OSBPL5: variants seen among roughly 807,000 people sequenced by gnomAD.
OSBPL5 encodes oxysterol binding protein like 5.
Under a neutral mutation model 111.2 loss-of-function variants are expected in OSBPL5, and 71 were observed. That is an observed-to-expected ratio of 0.64 (90% CI 0.53 to 0.78). The LOEUF is 0.78. Among genes scored for constraint, OSBPL5 ranks in the 30% least tolerant of loss-of-function variants. OSBPL5 has a pLI of 0.00. For missense variants in OSBPL5, 1,210 were observed against 1,189.3 expected, an observed-to-expected ratio of 1.02 and a Z score of -0.26; for synonymous variants, 549 against 513.9, an observed-to-expected ratio of 1.07 and a Z score of -0.93.
rs1222352879 is a variant in OSBPL5 at position 3,113,438 on chromosome 11, C to T, written c.692-5493G>A. 1.3e-5 allele frequency among the ~76,000 whole-genome samples: 2 copies of T among 152,058 alleles called. No homozygotes were observed. Among genetic ancestry groups the T allele is most frequent in the Non-Finnish European group, 2.9e-5 (2 of 68,024 alleles). On this transcript the variant is annotated intron_variant, in intron 7 of 21. Coordinates refer to ENST00000263650, the MANE Select transcript of OSBPL5 (RefSeq NM_020896.4). The surrounding 1 kb of genome is among the most constrained non-coding windows in gnomAD (Gnocchi z 4.8). ...TTGGGAGGCTGAGGTGGGTGGATCA[C>T]AAAGTCAGGAGTTCAAGACCAGTCT...
At chr11:3,102,691 C>G (rs763666996) in intron 11 of OSBPL5, among the ~76,000 whole-genome samples, 1 of 152,190 alleles carries the variant, frequency 6.6e-6, no homozygotes, top group Non-Finnish European at 1.5e-5. Context: ...GTTTCCCCAT[C>G]TGCACAATAA....
intron 1 of OSBPL5, among the ~76,000 whole-genome samples, chr11:3,157,020 G>T (rs981000465): frequency 2.0e-5 from 3 of 152,248 alleles, no homozygotes; most frequent in Non-Finnish European, 2.9e-5. Flanking sequence ...ACTCCTCGGG[G>T]CCCCCAAGGG....
rs538222066 is a variant in OSBPL5, at chr11:3,140,057, C to T, written c.-21-10888G>A. On this transcript the variant is annotated intron_variant, in intron 1 of 21. Coordinates refer to ENST00000263650, the MANE Select transcript of OSBPL5 (RefSeq NM_020896.4). The surrounding 1 kb of genome is among the most constrained non-coding windows in gnomAD (Gnocchi z 4.5). Reference sequence around the variant, plus strand: ...TGGGCCCACTGCTCGGCTGTGCAGCCTGGGAGGGGGGTGTGCAGTGGTCCG... The same window carrying T: ...TGGGCCCACTGCTCGGCTGTGCAGCTTGGGAGGGGGGTGTGCAGTGGTCCG... Among the ~76,000 whole-genome samples the T allele has an allele frequency of 3.7e-4, 56 of 152,364 alleles. 1 individual carries two copies. The South Asian group carries it at 9.1e-3, about 25-fold the overall frequency.
chr11:3,152,125 A>C (rs1045116192), intron 1 of OSBPL5, among the ~76,000 whole-genome samples: 4 of 152,166 alleles, frequency 2.6e-5, no homozygotes, highest in Non-Finnish European at 5.9e-5. Context: ...GCCCCTGCTC[A>C]TCTCTCTATT....
chr11:3,157,476 C>A (rs1328655734), intron 1 of OSBPL5, among the ~76,000 whole-genome samples: 1 of 152,180 alleles, frequency 6.6e-6, no homozygotes, highest in Non-Finnish European at 1.5e-5. Context: ...AGGCAGCACC[C>A]CGATGGAGGC....
chr11:3,099,161 A>G (rs1326471225), intron 14 of OSBPL5, among the ~76,000 whole-genome samples: 2 of 152,240 alleles, frequency 1.3e-5, no homozygotes, highest in East Asian at 3.9e-4. Flanking sequence ...AACGCTCCAC[A>G]CCGTATGATT....
rs1254441190 is a variant in OSBPL5, at chr11:3,130,527, C to A, written c.-21-1358G>T. Among the ~76,000 whole-genome samples, 6 of 152,192 alleles carry A rather than the reference C, an allele frequency of 3.9e-5. No individual in the cohort carries two copies. The highest frequency in any genetic ancestry group is 2.6e-4 in the Admixed American group (4 of 15,280). On this transcript the variant is annotated intron_variant, in intron 1 of 21. Coordinates refer to ENST00000263650, the MANE Select transcript of OSBPL5 (RefSeq NM_020896.4). The surrounding 1 kb of genome is among the most constrained non-coding windows in gnomAD (Gnocchi z 4.5). ...CACCCCAGAGCCCCCTCTGTGCCCC[C>A]AGTCCTGAAGTCAGAGTGGGGAGGG...
At chr11:3,115,251 T>C (rs528544012) in intron 7 of OSBPL5, among the ~76,000 whole-genome samples, 6 of 152,244 alleles carry the variant, frequency 3.9e-5, no homozygotes, top group Non-Finnish European at 8.8e-5. Context: ...ATAATTCCTA[T>C]GCCATTATTA....
chr11:3,128,492 G>T (rs1017112622), intron 2 of OSBPL5, among the ~76,000 whole-genome samples: 11 of 152,244 alleles, frequency 7.2e-5, no homozygotes, highest in African/African-American at 2.4e-4. Flanking sequence ...GCGGGCAGAG[G>T]TTCTGAGTCT....
At chr11:3,127,217 G>A (rs56090354) in intron 2 of OSBPL5, among the ~76,000 whole-genome samples, 27 of 152,352 alleles carry the variant, frequency 1.8e-4, no homozygotes, top group Non-Finnish European at 3.7e-4. Flanking sequence ...CAGCAGGGCC[G>A]CTCCCGCTGC....
rs932915610 is a variant in OSBPL5 at position 3,090,408 on chromosome 11, C to G, written c.2398+150G>C. 2.8e-6 allele frequency: 3 copies of G among 1,054,722 alleles called. No homozygotes were observed. In the African/African-American group the frequency reaches 4.8e-5, roughly 17 times the overall value. The allele number at this position is 1,054,722 out of a possible 1,614,324, so 65.3% of individuals were successfully genotyped here. ...CCAGACTCTGAGAGGGCAGAGCCTGCTGGGGGGCCCCTCAGGGCAGCAGAG... is the reference window on the plus strand; with the variant it reads ...CCAGACTCTGAGAGGGCAGAGCCTGGTGGGGGGCCCCTCAGGGCAGCAGAG... On this transcript the variant is annotated intron_variant, in intron 20 of 21. Transcript: ENST00000263650.
At chr11:3,164,379 A>T (rs1847050972) in intron 1 of OSBPL5, 1 of 152,186 alleles carries the variant, frequency 6.6e-6, no homozygotes, top group African/African-American at 2.4e-5. Context: ...GTCACCCCAA[A>T]CCCTAACTCC....
In OSBPL5 at chr11:3,098,495, A is replaced by ATTTTT. The variant is rs552382553; in HGVS notation, c.1621+1658_1621+1662dup. The stretch of plus-strand genomic sequence containing the variant: ...TCAAGCCATAAAAAGACATGAAGGA[A>ATTTTT]TTTTTTTTTTTTTTTTTTTTTTTTT... On this transcript the variant is annotated intron_variant, in intron 14 of 21. Transcript: ENST00000263650. 6.7e-4 allele frequency among the ~76,000 whole-genome samples: 54 copies of ATTTTT among 81,192 alleles called. 4 individuals carry two copies. The highest frequency in any genetic ancestry group is 3.3e-3 in the African/African-American group (52 of 15,912). 53.3% of individuals were successfully genotyped at this position (81,192 alleles called of 152,430 possible). A position where few individuals can be genotyped will look rare whatever the true frequency, so the allele number is the denominator to read the frequency against.
chr11:3,099,442 A>T (rs1382511581), intron 14 of OSBPL5, among the ~76,000 whole-genome samples: 1 of 152,226 alleles, frequency 6.6e-6, no homozygotes, highest in Non-Finnish European at 1.5e-5. Context: ...CCTCAGTGTG[A>T]GATGTTAATA....
At chr11:3,129,326 G>A (rs975267211) in intron 1 of OSBPL5, 157 bp from the exon 2 acceptor site, 1 of 649,112 alleles carries the variant, frequency 1.5e-6, no homozygotes, top group Non-Finnish European at 2.3e-6. Flanking sequence ...GTGGTGGGTG[G>A]TCAGCCAGGA....
At chr11:3,112,047 A>ATATG (rs1564837450) in intron 7 of OSBPL5, among the ~76,000 whole-genome samples, 2 of 66,812 alleles carry the variant, frequency 3.0e-5, no homozygotes, top group Non-Finnish European at 5.7e-5. Context: ...GTGTGCGCGC[A>ATATG]TGTGTGTGCA....
At chr11:3,093,145 C>T (rs921727069) in intron 17 of OSBPL5, 93 bp from the exon 18 acceptor site, 2 of 1,296,884 alleles carry the variant, frequency 1.5e-6, no homozygotes, top group Non-Finnish European at 1.0e-6. Flanking sequence ...AGAAGGAAGG[C>T]ACAGAGCAAC....
At chr11:3,157,341 G>A (rs747957691) in intron 1 of OSBPL5, among the ~76,000 whole-genome samples, 4 of 152,190 alleles carry the variant, frequency 2.6e-5, no homozygotes, top group Non-Finnish European at 4.4e-5. Context: ...CTGGACTTAC[G>A]AGAGGTCACC....
At position 3,142,394 on chromosome 11, in the gene OSBPL5, C is replaced by T. The variant is rs538516308; in HGVS notation, c.-21-13225G>A. Among the ~76,000 whole-genome samples, 6 of 152,306 alleles carry T rather than the reference C, an allele frequency of 3.9e-5. No homozygotes were observed. The highest frequency in any genetic ancestry group is 8.8e-5 in the Non-Finnish European group (6 of 68,024). On this transcript the variant is annotated intron_variant, in intron 1 of 21. Coordinates refer to ENST00000263650, the MANE Select transcript of OSBPL5 (RefSeq NM_020896.4). The surrounding 1 kb of genome is among the most constrained non-coding windows in gnomAD (Gnocchi z 7.1). Reference sequence around the variant, plus strand: ...ACACTTTCTGGGCTGCTGGTCTGTACAACTGGGAAGCCCCTACCTCTCCAC... The same window carrying T: ...ACACTTTCTGGGCTGCTGGTCTGTATAACTGGGAAGCCCCTACCTCTCCAC...
Sources: gnomAD v4.1 joint callset for allele counts (sites outside exome capture counted in the v4.1 genomes callset) on GRCh38, gnomAD v4.1.1 for gene constraint, Gnocchi (gnomAD v3.1) non-coding constraint, MANE v1.5 for transcripts, NCBI Gene and HGNC (gene_info 2026-07-23, HGNC 2026-07-21) for gene names.